Variants in CADPS2 observed in about 807,000 individuals in gnomAD.
CADPS2 encodes calcium dependent secretion activator 2.
A neutral mutation model predicts 172.5 loss-of-function variants in CADPS2; 93 were observed. That is an observed-to-expected ratio of 0.54 (90% CI 0.46 to 0.64). CADPS2 has a LOEUF of 0.64. CADPS2 is among the 30% of genes least tolerant of loss of function. CADPS2 has a pLI of 0.00. For missense variants in CADPS2, 1,420 were observed against 1,565.9 expected (o/e 0.91, Z 1.57); for synonymous variants, 546 against 555.2 (o/e 0.98, Z 0.23).
intron 14 of CADPS2, among the ~76,000 whole-genome samples, chr7:122,452,778 A>G (rs6979261): frequency 0.42 from 63,409 of 152,036 alleles, 13,481 homozygotes; most frequent in African/African-American, 0.48. Context: ...TAATGGTTAT[A>G]TATAAAATAG....
intron 19 of CADPS2, chr7:122,409,475 T>C (rs1311301696): frequency 7.1e-6 from 2 of 279,830 alleles, no homozygotes; most frequent in Admixed American, 8.0e-5. Context: ...ACACTTTTTT[T>C]TTTTCAAAAC....
intron 7 of CADPS2, among the ~76,000 whole-genome samples, chr7:122,558,891 C>G (rs927251730): frequency 6.6e-6 from 1 of 152,072 alleles, no homozygotes; most frequent in African/African-American, 2.4e-5. Context: ...CAACAAGCAC[C>G]TGAAAAACTA....
At chr7:122,868,327 T>C (rs1157074496) in intron 1 of CADPS2, among the ~76,000 whole-genome samples, 2 of 152,146 alleles carry the variant, frequency 1.3e-5, no homozygotes, top group African/African-American at 4.8e-5. Context: ...TACAAGATTC[T>C]TCCTCAGACT....
chr7:122,685,170 A>T (rs1307352974), intron 2 of CADPS2, among the ~76,000 whole-genome samples: 1 of 152,144 alleles, frequency 6.6e-6, no homozygotes, highest in East Asian at 1.9e-4. Flanking sequence ...ACCCTTCTAA[A>T]GCTTGAATTC....
At chr7:122,323,876 TATATATA>T (rs1563065521) in intron 29 of CADPS2, among the ~76,000 whole-genome samples, 897 of 17,734 alleles carry the variant, frequency 0.051, 27 homozygotes, top group South Asian at 0.093. Context: ...GTATATTTTA[TATATATA>T]TATATATATA....
At chr7:122,688,818 C>A (rs1014337418) in intron 2 of CADPS2, among the ~76,000 whole-genome samples, 1 of 152,146 alleles carries the variant, frequency 6.6e-6, no homozygotes, top group Non-Finnish European at 1.5e-5. Context: ...TCAGCCTGTC[C>A]TTGACAAAAG....
chr7:122,397,361 G>A (rs2045287649), intron 20 of CADPS2, among the ~76,000 whole-genome samples: 1 of 150,390 alleles, frequency 6.6e-6, no homozygotes, highest in Non-Finnish European at 1.5e-5. Context: ...TTAGAAAATT[G>A]GCAGTATTAT....
intron 1 of CADPS2, among the ~76,000 whole-genome samples, chr7:122,740,770 CA>C (rs753571744): frequency 1.3e-5 from 2 of 151,934 alleles, no homozygotes; most frequent in African/African-American, 4.8e-5. Flanking sequence ...ACTCATTACC[CA>C]AAGAGTTCAT....
At chr7:122,597,903 T>C (rs1410213873) in intron 6 of CADPS2, among the ~76,000 whole-genome samples, 1 of 149,268 alleles carries the variant, frequency 6.7e-6, no homozygotes, top group East Asian at 2.0e-4. Flanking sequence ...AGACTTGGCA[T>C]CTTTTTAACA....
intron 6 of CADPS2, among the ~76,000 whole-genome samples, chr7:122,605,059 C>T (rs1423949432): frequency 6.6e-6 from 1 of 152,016 alleles, no homozygotes; most frequent in African/African-American, 2.4e-5. Context: ...ACAACTGTAA[C>T]ACAAAGGTAA....
intron 8 of CADPS2, among the ~76,000 whole-genome samples, chr7:122,527,617 A>AGAGAGAGTGTGTGTGTGT: frequency 8.4e-5 from 7 of 83,802 alleles, no homozygotes; most frequent in Non-Finnish European, 1.3e-4. Flanking sequence ...AGAGAGAGAG[A>AGAGAGAGTGTGTGTGTGT]GTGTGTGTGT....
intron 1 of CADPS2, among the ~76,000 whole-genome samples, chr7:122,833,980 A>C (rs535234669): frequency 1.3e-5 from 2 of 152,320 alleles, no homozygotes; most frequent in African/African-American, 4.8e-5. Context: ...TAGATGAGAA[A>C]CAGATTTGAG....
chr7:122,322,783 T>C (rs994271756), intron 29 of CADPS2, among the ~76,000 whole-genome samples: 56 of 152,226 alleles, frequency 3.7e-4, no homozygotes, highest in Non-Finnish European at 1.8e-4. Context: ...CCAATTGGTG[T>C]ATAAGTGTCT....
chr7:122,824,206 G>A (rs1252062562), intron 1 of CADPS2, among the ~76,000 whole-genome samples: 3 of 152,148 alleles, frequency 2.0e-5, no homozygotes, highest in Admixed American at 6.6e-5. Flanking sequence ...AATCACCCAA[G>A]ATAAATATTT....
chr7:122,598,493 G>A (rs1338458841), intron 6 of CADPS2, among the ~76,000 whole-genome samples: 2 of 152,062 alleles, frequency 1.3e-5, no homozygotes, highest in Non-Finnish European at 2.9e-5. Flanking sequence ...TGTGAAGGGA[G>A]ATTTGGGCCA....
chr7:122,788,671 T>C (rs1374344099), intron 1 of CADPS2, among the ~76,000 whole-genome samples: 4 of 152,220 alleles, frequency 2.6e-5, no homozygotes, highest in South Asian at 2.1e-4. Context: ...CGTTGGACTA[T>C]AGCTTTGAAC....
intron 8 of CADPS2, among the ~76,000 whole-genome samples, chr7:122,541,799 ATATATATT>A (rs1367575025): frequency 3.0e-5 from 3 of 99,784 alleles, no homozygotes; most frequent in Admixed American, 1.1e-4. Flanking sequence ...TTATATATTC[ATATATATT>A]TATATATTCA....
rs191881667 is a variant in CADPS2, at chr7:122,554,276, C to T, written c.1475+274G>A. Among the ~76,000 whole-genome samples the T allele has an allele frequency of 2.0e-5, 3 of 152,174 alleles. No individual in the cohort carries two copies. The East Asian group carries it at 5.8e-4, about 29-fold the overall frequency. On this transcript the variant is annotated intron_variant, in intron 8 of 29. Coordinates refer to ENST00000449022, the MANE Select transcript of CADPS2 (RefSeq NM_017954.11). ...TTAGAAGGTATCAGTGCCCTGGTGC[C>T]CTGTATCAATATGACTGATGAGTAA...
chr7:122,431,083 AT>A (rs1268464039), intron 17 of CADPS2, among the ~76,000 whole-genome samples: 1 of 152,152 alleles, frequency 6.6e-6, no homozygotes, highest in African/African-American at 2.4e-5. Flanking sequence ...TTATGGCTTA[AT>A]TTTTCCAATC....
Sources: gnomAD v4.1 joint callset for allele counts (sites outside exome capture counted in the v4.1 genomes callset) on GRCh38, gnomAD v4.1.1 for gene constraint, MANE v1.5 for transcripts, NCBI Gene and HGNC (gene_info 2026-07-23, HGNC 2026-07-21) for gene names.